ZNF423: variants seen among roughly 807,000 people sequenced by gnomAD.
ZNF423 encodes the protein zinc finger protein 423.
ZNF423 carries 12 observed loss-of-function variants against 95.8 expected under a neutral mutation model. The ratio of observed to expected loss-of-function variants is 0.13; its 90% CI spans 0.08 to 0.20. ZNF423 has a LOEUF of 0.20. Ranked by LOEUF, ZNF423 falls within the 10% of genes least tolerant of loss-of-function variation. ZNF423 has a pLI of 1.00. For synonymous variants in ZNF423, 749 were observed against 711.9 expected (o/e 1.05, Z -0.83); for missense variants, 1,316 against 1,737.1 (o/e 0.76, Z 4.31).
chr16:49,561,344 C>T (rs888775331), intron 5 of ZNF423, among the ~76,000 whole-genome samples: 1 of 152,120 alleles, frequency 6.6e-6, no homozygotes, highest in African/African-American at 2.4e-5. Flanking sequence ...ACTACATCTA[C>T]TTTACTGGGG....
At chr16:49,815,859 TTCCAAACA>T in intron 1 of ZNF423, among the ~76,000 whole-genome samples, 1 of 73,900 alleles carries the variant, frequency 1.4e-5, no homozygotes, top group South Asian at 5.0e-4. Context: ...TACATTCTAA[TTCCAAACA>T]AACAAAAAAA....
chr16:49,852,176 G>C (rs1166122835), intron 1 of ZNF423, among the ~76,000 whole-genome samples: 1 of 152,094 alleles, frequency 6.6e-6, no homozygotes, highest in Non-Finnish European at 1.5e-5. Context: ...CTACACGCTG[G>C]CAGAAGAGGA....
intron 1 of ZNF423, among the ~76,000 whole-genome samples, chr16:49,811,328 T>TA (rs1416060106): frequency 6.6e-6 from 1 of 151,510 alleles, no homozygotes; most frequent in Non-Finnish European, 1.5e-5. Flanking sequence ...GGAGAGGAGT[T>TA]AGAGTTGGCC....
chr16:49,690,228 C>T (rs908321184), intron 3 of ZNF423, among the ~76,000 whole-genome samples: 1 of 152,216 alleles, frequency 6.6e-6, no homozygotes, highest in Non-Finnish European at 1.5e-5. Flanking sequence ...AATACGTTAA[C>T]TGCTAAAGAC....
At chr16:49,611,254 C>T (rs1382380176) in intron 5 of ZNF423, among the ~76,000 whole-genome samples, 2 of 152,016 alleles carry the variant, frequency 1.3e-5, no homozygotes, top group East Asian at 1.9e-4. Flanking sequence ...TATCATGGGT[C>T]ATAAAACAAA....
intron 3 of ZNF423, among the ~76,000 whole-genome samples, chr16:49,726,411 T>C (rs1383482122): frequency 6.6e-6 from 1 of 152,156 alleles, no homozygotes; most frequent in East Asian, 1.9e-4. Context: ...CACCTGCTTC[T>C]ATGGTACCCC....
chr16:49,793,355 C>T (rs1490336547), intron 1 of ZNF423, among the ~76,000 whole-genome samples: 2 of 152,226 alleles, frequency 1.3e-5, no homozygotes, highest in African/African-American at 4.8e-5. Context: ...GGGAGTTCTG[C>T]TGCCGAGCCC....
At position 49,542,250 on chromosome 16, in the gene ZNF423, T is replaced by C. The variant is rs1198774336; in HGVS notation, c.3602-16756A>G. Among the ~76,000 whole-genome samples, 11 of 152,130 alleles carry C rather than the reference T, an allele frequency of 7.2e-5. No individual in the cohort carries two copies. The East Asian group carries it at 1.9e-3, about 27-fold the overall frequency. ...GGGTCTCTGCCTTCATGGGGGCAAA[T>C]TGCTCCCTCTGGCCTTGACTCTATT... On this transcript the variant is annotated intron_variant, in intron 5 of 7. Transcript: ENST00000563137.
At chr16:49,605,375 G>T (rs1208040661) in intron 5 of ZNF423, among the ~76,000 whole-genome samples, 3 of 152,224 alleles carry the variant, frequency 2.0e-5, no homozygotes, top group African/African-American at 7.2e-5. Flanking sequence ...GCAACCTCGG[G>T]AAAGTGTCTG....
intron 2 of ZNF423, among the ~76,000 whole-genome samples, chr16:49,788,366 G>A (rs758265470): frequency 1.3e-5 from 2 of 152,182 alleles, no homozygotes; most frequent in Admixed American, 6.5e-5. Flanking sequence ...CTGAGTCTCC[G>A]TATTCTGTAC....
At chr16:49,586,070 G>T (rs150367493) in intron 5 of ZNF423, among the ~76,000 whole-genome samples, 303 of 152,216 alleles carry the variant, frequency 2.0e-3, no homozygotes, top group South Asian at 0.012. Flanking sequence ...CGCTAACCTG[G>T]CACAACACAA....
intron 1 of ZNF423, among the ~76,000 whole-genome samples, chr16:49,834,085 G>A (rs1257690777): frequency 6.6e-6 from 1 of 152,212 alleles, no homozygotes; most frequent in African/African-American, 2.4e-5. Context: ...AGTGGGCTGG[G>A]CGGTTGTCCC....
At chr16:49,500,724 G>A (rs1967360474) in intron 7 of ZNF423, among the ~76,000 whole-genome samples, 1 of 151,718 alleles carries the variant, frequency 6.6e-6, no homozygotes, top group Admixed American at 6.6e-5. Flanking sequence ...AGATCAGCCT[G>A]GGTGAAACCC....
intron 5 of ZNF423, among the ~76,000 whole-genome samples, chr16:49,576,713 G>A (rs1158979596): frequency 3.3e-5 from 5 of 152,214 alleles, no homozygotes; most frequent in Non-Finnish European, 7.3e-5. Flanking sequence ...TGACTTTCCA[G>A]TTGCTGTGAC....
intron 5 of ZNF423, among the ~76,000 whole-genome samples, chr16:49,543,351 C>T (rs1376013824): frequency 1.3e-5 from 2 of 152,150 alleles, no homozygotes; most frequent in East Asian, 1.9e-4. Context: ...ACAGCCTCCC[C>T]AGGGGTGGCA....
intron 3 of ZNF423, among the ~76,000 whole-genome samples, chr16:49,725,934 T>C (rs1288476562): frequency 6.6e-6 from 1 of 152,222 alleles, no homozygotes; most frequent in Non-Finnish European, 1.5e-5. Flanking sequence ...ACACCAATGC[T>C]GAGCTCCAAA....
upstream of ZNF423, among the ~76,000 whole-genome samples, chr16:49,857,236 G>A (rs1054152096): frequency 8.7e-5 from 13 of 150,080 alleles, no homozygotes; most frequent in Admixed American, 4.6e-4. The surrounding 1 kb of genome is among the most constrained non-coding windows in gnomAD (Gnocchi z 6.2). Flanking sequence ...ACGGAGAGAG[G>A]GCCAACAGCA....
intron 2 of ZNF423, among the ~76,000 whole-genome samples, chr16:49,738,251 T>A (rs1161122311): frequency 6.6e-6 from 1 of 152,208 alleles, no homozygotes; most frequent in East Asian, 1.9e-4. Context: ...ACAGAAAAGA[T>A]GCTTAATAAA....
chr16:49,838,668 A>C (rs1255989929), intron 1 of ZNF423, among the ~76,000 whole-genome samples: 2 of 151,968 alleles, frequency 1.3e-5, no homozygotes, highest in Non-Finnish European at 2.9e-5. Context: ...TGGGCCTGGG[A>C]CCAGGAGTCC....
Sources: gnomAD v4.1 joint callset for allele counts (sites outside exome capture counted in the v4.1 genomes callset) on GRCh38, gnomAD v4.1.1 for gene constraint, Gnocchi (gnomAD v3.1) non-coding constraint, MANE v1.5 for transcripts, NCBI Gene and HGNC (gene_info 2026-07-23, HGNC 2026-07-21) for gene names.